The following BCAS1 variants were observed in gnomAD, a reference collection of about 807,000 sequenced individuals.
BCAS1 encodes the protein breast carcinoma-amplified sequence 1.
In BCAS1, 46 loss-of-function variants were observed where a neutral mutation model predicts 65.4. The observed-to-expected ratio is 0.70, with a 90% confidence interval of 0.55 to 0.90. The LOEUF is 0.90. Among genes scored for constraint, BCAS1 ranks in the 40% least tolerant of loss-of-function variants. The pLI is 0.00. For synonymous variants in BCAS1, 298 were observed against 293.5 expected (o/e 1.02, Z -0.16); for missense variants, 793 against 771.2 (o/e 1.03, Z -0.33).
At chr20:54,015,754 G>C (rs2091424209) in intron 4 of BCAS1, among the ~76,000 whole-genome samples, 1 of 152,192 alleles carries the variant, frequency 6.6e-6, no homozygotes, top group Admixed American at 6.5e-5. Context: ...ACCTCTTGTT[G>C]AACTGTTGCT....
At chr20:53,965,029 G>A (rs565070539) in intron 10 of BCAS1, among the ~76,000 whole-genome samples, 1 of 152,078 alleles carries the variant, frequency 6.6e-6, no homozygotes, top group South Asian at 2.1e-4. Context: ...CAGGCCAAAT[G>A]TTCTTTTCTT....
intron 3 of BCAS1, among the ~76,000 whole-genome samples, chr20:54,050,637 C>T (rs561183131): frequency 1.3e-5 from 2 of 152,338 alleles, no homozygotes; most frequent in East Asian, 3.9e-4. Context: ...ATTACCTCGT[C>T]TAGTCCTGGA....
At chr20:54,008,837 GCT>G (rs2091260536) in intron 4 of BCAS1, among the ~76,000 whole-genome samples, 1 of 148,408 alleles carries the variant, frequency 6.7e-6, no homozygotes. Flanking sequence ...ACGGAGTCTT[GCT>G]CTGTCACCCA....
chr20:53,971,702 G>C (rs1046608618), intron 9 of BCAS1, among the ~76,000 whole-genome samples: 5 of 152,324 alleles, frequency 3.3e-5, no homozygotes, highest in Non-Finnish European at 7.3e-5. Flanking sequence ...AGTAATGAGA[G>C]CCAGTAAAGG....
At chr20:54,045,691 C>T (rs1280534909) in intron 3 of BCAS1, among the ~76,000 whole-genome samples, 1 of 152,228 alleles carries the variant, frequency 6.6e-6, no homozygotes, top group Non-Finnish European at 1.5e-5. Flanking sequence ...TAACTGGGTA[C>T]CTTCCAATGA....
At chr20:54,067,676 C>G (rs778007324) in intron 1 of BCAS1, among the ~76,000 whole-genome samples, 17 of 152,138 alleles carry the variant, frequency 1.1e-4, no homozygotes, top group Admixed American at 2.0e-4. Context: ...GGAAACAGGC[C>G]AAACGCCAAA....
chr20:54,015,168 A>G (rs978505558), intron 4 of BCAS1, among the ~76,000 whole-genome samples: 12 of 151,728 alleles, frequency 7.9e-5, no homozygotes, highest in Non-Finnish European at 1.6e-4. Flanking sequence ...AGTAACTGGG[A>G]TTACAGGCAT....
chr20:54,056,116 A>G (rs2092293040), intron 3 of BCAS1, among the ~76,000 whole-genome samples: 1 of 152,178 alleles, frequency 6.6e-6, no homozygotes, highest in Admixed American at 6.5e-5. Context: ...TAAGTTAATA[A>G]TACTGTTTTG....
At chr20:54,037,369 C>A (rs191326979) in intron 3 of BCAS1, among the ~76,000 whole-genome samples, 1 of 151,396 alleles carries the variant, frequency 6.6e-6, no homozygotes, top group Non-Finnish European at 1.5e-5. Flanking sequence ...GGAAACTGTC[C>A]CCATGATCCA....
At chr20:54,049,003 C>T (rs1005341334) in intron 3 of BCAS1, among the ~76,000 whole-genome samples, 2 of 152,210 alleles carry the variant, frequency 1.3e-5, no homozygotes, top group Non-Finnish European at 2.9e-5. Context: ...TAGGAGAACA[C>T]ATGTATTTGC....
intron 3 of BCAS1, among the ~76,000 whole-genome samples, chr20:54,053,893 G>A (rs2092257350): frequency 6.6e-6 from 1 of 152,192 alleles, no homozygotes. Context: ...ATTATTGGAT[G>A]CCAATGGTAT....
At chr20:53,956,550 T>C (rs1029276421) in intron 11 of BCAS1, among the ~76,000 whole-genome samples, 2 of 152,212 alleles carry the variant, frequency 1.3e-5, no homozygotes, top group Admixed American at 6.5e-5. Context: ...TTTACATGTA[T>C]TGATTCATCT....
chr20:53,948,062 A>G (rs918845233), intron 12 of BCAS1, among the ~76,000 whole-genome samples: 10 of 152,122 alleles, frequency 6.6e-5, no homozygotes, highest in African/African-American at 9.7e-5. Flanking sequence ...AAGTCCAGGA[A>G]CAAGCTTCTT....
intron 4 of BCAS1, among the ~76,000 whole-genome samples, chr20:54,024,344 G>A (rs962687897): frequency 2.6e-5 from 4 of 152,196 alleles, no homozygotes; most frequent in African/African-American, 9.7e-5. Flanking sequence ...AAAACCCCGT[G>A]AATTAAACTG....
intron 7 of BCAS1, among the ~76,000 whole-genome samples, chr20:53,990,056 C>A (rs768448639): frequency 6.6e-6 from 1 of 152,112 alleles, no homozygotes; most frequent in Non-Finnish European, 1.5e-5. Flanking sequence ...AATAAATTTT[C>A]GTCTTGTTTT....
At chr20:54,062,271 C>A (rs2092385320) in intron 1 of BCAS1, among the ~76,000 whole-genome samples, 1 of 152,160 alleles carries the variant, frequency 6.6e-6, no homozygotes, top group African/African-American at 2.4e-5. Context: ...ATAACAATAA[C>A]AACATTTGGT....
intron 4 of BCAS1, among the ~76,000 whole-genome samples, chr20:54,020,319 T>C (rs1208001702): frequency 6.6e-6 from 1 of 152,170 alleles, no homozygotes; most frequent in African/African-American, 2.4e-5. Flanking sequence ...AAAATTTATT[T>C]TACAAATTAA....
intron 8 of BCAS1, among the ~76,000 whole-genome samples, chr20:53,982,182 C>T (rs761094711): frequency 2.0e-5 from 3 of 152,114 alleles, no homozygotes; most frequent in African/African-American, 4.8e-5. Context: ...CCTTGCCATA[C>T]ACAAGAATTA....
chr20:53,960,504 AGAGT>A, intron 10 of BCAS1, among the ~76,000 whole-genome samples: 5 of 141,230 alleles, frequency 3.5e-5, no homozygotes, highest in Admixed American at 7.1e-5. Context: ...AAAGAGAGAG[AGAGT>A]ATCTCAAACT....
Sources: allele counts gnomAD v4.1 joint callset (sites outside exome capture counted in the v4.1 genomes callset), GRCh38; gene constraint gnomAD v4.1.1; transcripts MANE v1.5; gene names NCBI Gene and HGNC (gene_info 2026-07-23, HGNC 2026-07-21).